RABEPK: variants seen among roughly 807,000 people sequenced by gnomAD.
RABEPK encodes Rab9 effector protein with kelch motifs.
In RABEPK, 27 loss-of-function variants were observed where a neutral mutation model predicts 34.1. The ratio of observed to expected loss-of-function variants is 0.79; its 90% CI spans 0.58 to 1.09. The LOEUF (loss-of-function observed/expected upper bound fraction) is 1.09. Among genes scored for constraint, RABEPK ranks in the 50% least tolerant of loss-of-function variants. RABEPK has a pLI of 0.00. For synonymous variants in RABEPK, 172 were observed against 169.2 expected (o/e 1.02, Z -0.13); for missense variants, 449 against 462.6 (o/e 0.97, Z 0.27).
chr9:125,207,931 C>T (rs1031614851), intron 3 of RABEPK, among the ~76,000 whole-genome samples: 2 of 152,142 alleles, frequency 1.3e-5, no homozygotes, highest in Non-Finnish European at 2.9e-5. Flanking sequence ...TCGAGACCAG[C>T]CTGACCAATA....
intron 6 of RABEPK, among the ~76,000 whole-genome samples, chr9:125,230,538 AT>A (rs35131281): frequency 1.5e-3 from 203 of 137,542 alleles, no homozygotes; most frequent in Middle Eastern, 3.7e-3. Context: ...GATGGAAACT[AT>A]TTTTTTTTTT....
intron 6 of RABEPK, 143 bp downstream of exon 6, chr9:125,228,202 C>T: frequency 1.6e-6 from 1 of 621,970 alleles, no homozygotes; most frequent in Non-Finnish European, 2.4e-6. Flanking sequence ...CTCAAGTAAT[C>T]CTCCTACCTC....
At chr9:125,203,894 T>A (rs1285681431) in intron 2 of RABEPK, among the ~76,000 whole-genome samples, 1 of 151,582 alleles carries the variant, frequency 6.6e-6, no homozygotes, top group African/African-American at 2.4e-5. Flanking sequence ...TTAGCTGGCA[T>A]GGTGTTGTGC....
chr9:125,207,168 C>T (rs1830277711), intron 2 of RABEPK, among the ~76,000 whole-genome samples: 1 of 151,966 alleles, frequency 6.6e-6, no homozygotes, highest in South Asian at 2.1e-4. Flanking sequence ...TAAGTGACTT[C>T]CAAAAGGTCA....
intron 2 of RABEPK, among the ~76,000 whole-genome samples, chr9:125,205,232 C>T (rs965049629): frequency 1.3e-5 from 2 of 152,146 alleles, no homozygotes; most frequent in Admixed American, 1.3e-4. Context: ...TGAGACCCTC[C>T]TAAGACATGC....
At chr9:125,215,592 A>G (rs10986646) in intron 4 of RABEPK, among the ~76,000 whole-genome samples, 1,955 of 152,208 alleles carry the variant, frequency 0.013, 100 homozygotes, top group Admixed American at 0.082. Flanking sequence ...GATTACAGAC[A>G]TGAGCCACTG....
At chr9:125,224,633 C>A (rs1831608632) in intron 5 of RABEPK, among the ~76,000 whole-genome samples, 1 of 151,870 alleles carries the variant, frequency 6.6e-6, no homozygotes, top group Non-Finnish European at 1.5e-5. Flanking sequence ...TTAAAATATT[C>A]TTAGTAGAGA....
intron 1 of RABEPK, 38 bp from the exon 2 acceptor site, chr9:125,202,970 A>C (rs533607870): frequency 1.3e-6 from 2 of 1,555,482 alleles, no homozygotes; most frequent in South Asian, 2.2e-5. Context: ...GATGATAATC[A>C]TAAGTGTCTA....
intron 1 of RABEPK, among the ~76,000 whole-genome samples, chr9:125,201,317 A>G (rs1336552712): frequency 6.6e-6 from 1 of 152,232 alleles, no homozygotes; most frequent in Non-Finnish European, 1.5e-5. Flanking sequence ...CTGCAAAATT[A>G]TGAAAAGGCC....
At chr9:125,212,654 C>CT (rs1051435694) in intron 3 of RABEPK, among the ~76,000 whole-genome samples, 679 of 141,868 alleles carry the variant, frequency 4.8e-3, no homozygotes, top group Non-Finnish European at 6.4e-3. Context: ...TTCTTTCTTT[C>CT]TTTTTTTTTT....
Position 125,203,083 on chromosome 9 carries a change from C to A in RABEPK, c.53+17C>A, listed in dbSNP as rs920826038. 6.2e-7 allele frequency: 1 copy of A among 1,608,250 alleles called. No homozygotes were observed. The highest frequency in any genetic ancestry group is 8.5e-7 in the Non-Finnish European group (1 of 1,175,300). ...AGCAACATGGTCTGTAAGGAAGGAT[C>A]CAGACACAGAAAAGCATGAGTTTTT... On this transcript the variant is annotated intron_variant, in intron 2 of 7. Transcript: ENST00000373538.
chr9:125,207,122 C>CATTTCACA (rs907727681), intron 2 of RABEPK, among the ~76,000 whole-genome samples: 1 of 151,588 alleles, frequency 6.6e-6, no homozygotes, highest in Non-Finnish European at 1.5e-5. Context: ...TTGCTGTCCT[C>CATTTCACA]ATTTCACAAA....
At chr9:125,206,943 G>A (rs1218040041) in intron 2 of RABEPK, among the ~76,000 whole-genome samples, 1 of 152,020 alleles carries the variant, frequency 6.6e-6, no homozygotes. Context: ...TATAAAATTA[G>A]CCAGGTGTGG....
At chr9:125,233,335 T>G (rs1832347986) in intron 7 of RABEPK, among the ~76,000 whole-genome samples, 2 of 137,426 alleles carry the variant, frequency 1.5e-5, no homozygotes, top group Non-Finnish European at 3.2e-5. Context: ...AATTGTTTTT[T>G]TTTTTTTTTT....
intron 2 of RABEPK, among the ~76,000 whole-genome samples, chr9:125,205,142 C>A (rs1371134135): frequency 1.3e-5 from 2 of 152,064 alleles, no homozygotes; most frequent in African/African-American, 4.8e-5. Flanking sequence ...AATTTCTACT[C>A]ATACTTCAGA....
chr9:125,231,770 C>G (rs986638812), intron 6 of RABEPK, among the ~76,000 whole-genome samples: 7 of 147,090 alleles, frequency 4.8e-5, no homozygotes, highest in African/African-American at 1.8e-4. Context: ...GGCAACAGAG[C>G]GGAAAAAAAA....
intron 5 of RABEPK, among the ~76,000 whole-genome samples, chr9:125,223,549 A>G (rs757197713): frequency 6.6e-6 from 1 of 151,930 alleles, no homozygotes; most frequent in Non-Finnish European, 1.5e-5. Context: ...GCTATTTCCA[A>G]TTTTTGTCTA....
intron 6 of RABEPK, among the ~76,000 whole-genome samples, chr9:125,229,270 AAAG>A (rs1159071475): frequency 6.6e-6 from 1 of 150,870 alleles, no homozygotes; most frequent in Non-Finnish European, 1.5e-5. Flanking sequence ...AAAAAGAAAA[AAAG>A]AAAAAAAAAA....
In RABEPK at chr9:125,220,697, G is replaced by C. The variant is rs150172916; in HGVS notation, c.523G>C (p.Ala175Pro). 3.3e-5 allele frequency: 53 copies of C among 1,613,720 alleles called. No homozygotes were observed. The highest frequency in any genetic ancestry group is 2.5e-4 in the African/African-American group (19 of 74,946). Residue 175 changes from alanine to proline, a missense_variant, in exon 5 of 8, where the codon GCA (alanine) becomes CCA (proline). Coordinates refer to ENST00000373538, the MANE Select transcript of RABEPK (RefSeq NM_005833.4). ...GGACACGAAGCTGCATGTGTTTGAC[G>C]CAAGTATGGACTGGTGGGCACCTTG... Reference protein sequence around the residue: ...VQDTKLHVFDANTLTWSQPET... With the variant: ...VQDTKLHVFDPNTLTWSQPET...
Sources: gnomAD v4.1 joint callset for allele counts (sites outside exome capture counted in the v4.1 genomes callset) on GRCh38, gnomAD v4.1.1 for gene constraint, MANE v1.5 for transcripts, NCBI Gene and HGNC (gene_info 2026-07-23, HGNC 2026-07-21) for gene names.